Variants in HPS5 observed in about 807,000 individuals in gnomAD.
HPS5 encodes the protein BLOC-2 complex member HPS5.
HPS5 carries 83 observed loss-of-function variants against 128.0 expected under a neutral mutation model. That is an observed-to-expected ratio of 0.65 (90% CI 0.54 to 0.78). The LOEUF is 0.78. HPS5 is among the 30% of genes least tolerant of loss of function. The pLI is 0.00. For synonymous variants in HPS5, 475 were observed against 470.2 expected, an observed-to-expected ratio of 1.01 and a Z score of -0.13; for missense variants, 1,281 against 1,326.2, an observed-to-expected ratio of 0.97 and a Z score of 0.53.
At chr11:18,312,503 C>A (rs1863130118) in intron 2 of HPS5, among the ~76,000 whole-genome samples, 1 of 152,212 alleles carries the variant, frequency 6.6e-6, no homozygotes, top group African/African-American at 2.4e-5. Flanking sequence ...TCATGCCGTG[C>A]CCAATACCCC....
intron 22 of HPS5, among the ~76,000 whole-genome samples, chr11:18,281,181 G>A (rs750826875): frequency 4.0e-5 from 6 of 151,166 alleles, no homozygotes; most frequent in Admixed American, 6.6e-5. Context: ...GAGTTCAAGC[G>A]ATTCTCCTGC....
chr11:18,315,449 C>T (rs1054921217), intron 2 of HPS5, among the ~76,000 whole-genome samples: 6 of 151,998 alleles, frequency 3.9e-5, no homozygotes, highest in African/African-American at 1.2e-4. Context: ...TCTGTCTCTA[C>T]GAAAAACACA....
At chr11:18,312,338 A>C (rs1863112716) in intron 2 of HPS5, among the ~76,000 whole-genome samples, 1 of 152,222 alleles carries the variant, frequency 6.6e-6, no homozygotes, top group African/African-American at 2.4e-5. Context: ...GGTCATTCCA[A>C]TGCTGACTAC....
chr11:18,291,764 T>G lies in HPS5; in HGVS notation c.2118A>C (p.Ala706=). 1 of 1,614,206 alleles carries G rather than the reference T, an allele frequency of 6.2e-7. No individual in the cohort carries two copies. ...CCCTTGGACTCCTTACACATTCACA[T>G]GCTGTTTTATCAACAGATTCTTCAT... is the stretch of plus-strand genomic sequence containing the variant. ...LGNEESVDKT[A]CECVRSPRES... Residue 706 remains alanine, a synonymous_variant, in exon 16 of 23, where the codon GCA becomes GCC. Coordinates refer to ENST00000349215, the MANE Select transcript of HPS5 (RefSeq NM_181507.2).
intron 5 of HPS5, among the ~76,000 whole-genome samples, chr11:18,310,456 C>G (rs1862840507): frequency 6.6e-6 from 1 of 152,164 alleles, no homozygotes; most frequent in Non-Finnish European, 1.5e-5. Context: ...TAGCCTTATA[C>G]TAAAGAATGC....
chr11:18,283,865 C>G lies in HPS5; in HGVS notation c.2988G>C (p.Leu996=), dbSNP rs756023749. The stretch of plus-strand genomic sequence containing the variant: ...TGGTGAAGGCCTCTCTTCTTCTCTC[C>G]AGCTCCAAACAGAGAATTAGATATC... ...WPGYLILCLE[L]ERRREAFTNI... Residue 996 remains leucine, a synonymous_variant, in exon 21 of 23, where the codon CTG becomes CTC. Coordinates refer to ENST00000349215, the MANE Select transcript of HPS5 (RefSeq NM_181507.2). 1 of 1,613,304 alleles carries G rather than the reference C, an allele frequency of 6.2e-7. No individual in the cohort carries two copies. The highest frequency in any genetic ancestry group is 1.7e-5 in the Admixed American group (1 of 60,026).
intron 1 of HPS5, among the ~76,000 whole-genome samples, chr11:18,321,720 T>G (rs191585266): frequency 1.3e-5 from 2 of 152,322 alleles, no homozygotes; most frequent in Non-Finnish European, 2.9e-5. Flanking sequence ...AAGGGGAAGT[T>G]GCAGACTGCC....
chr11:18,321,653 G>A (rs781723407), intron 1 of HPS5, among the ~76,000 whole-genome samples: 8 of 152,288 alleles, frequency 5.3e-5, no homozygotes, highest in Non-Finnish European at 1.2e-4. Flanking sequence ...GCCCCAGTAG[G>A]TGCGTGGAGG....
chr11:18,301,551 G>A (rs1165589172), intron 8 of HPS5, among the ~76,000 whole-genome samples: 1 of 151,424 alleles, frequency 6.6e-6, no homozygotes, highest in African/African-American at 2.4e-5. Context: ...TAAAGCAGCT[G>A]AACTTTCCAT....
In HPS5 at chr11:18,311,466, A is replaced by G. The variant is rs771817878; in HGVS notation, c.220-15T>C. 3 of 1,522,848 alleles carry G rather than the reference A, an allele frequency of 2.0e-6. No homozygotes were observed. The highest frequency in any genetic ancestry group is 4.6e-5 in the East Asian group (2 of 43,092). The allele number at this position is 1,522,848 out of a possible 1,614,324, so 94.3% of individuals were successfully genotyped here. A position where few individuals can be genotyped will look rare whatever the true frequency, so the allele number is the denominator to read the frequency against. ...ATTGCACCTTCCTAGAGCACAAAAG[A>G]AAATACATTTTTTAAATCTCAAGTT... is the stretch of plus-strand genomic sequence containing the variant. On this transcript the variant is annotated splice_polypyrimidine_tract_variant and intron_variant, in intron 3 of 22. Transcript: ENST00000349215.
chr11:18,280,417 G>A (rs1248584237), intron 22 of HPS5: 14 of 571,544 alleles, frequency 2.4e-5, no homozygotes, highest in Non-Finnish European at 4.0e-5. Context: ...TGGAGAAATT[G>A]GAACTCTTGT....
Position 18,309,147 on chromosome 11 carries a change from TTAC to T in HPS5, c.478-71_478-69del. On this transcript the variant is annotated intron_variant, in intron 5 of 22. Transcript: ENST00000349215. ...ACATACACATGCAATCTCTTCCTCT[TTAC>T]CTTGTAAATGAAAATAACTTGAATA... is the stretch of plus-strand genomic sequence containing the variant. 3.5e-6 allele frequency: 5 copies of T among 1,446,494 alleles called. No homozygotes were observed. The East Asian group carries it at 1.2e-4, about 34-fold the overall frequency. The allele number at this position is 1,446,494 out of a possible 1,614,324, so 89.6% of individuals were successfully genotyped here.
intron 8 of HPS5, among the ~76,000 whole-genome samples, chr11:18,304,840 G>GT (rs1267843420): frequency 1.3e-5 from 2 of 152,230 alleles, no homozygotes; most frequent in African/African-American, 4.8e-5. Flanking sequence ...AGAACAAGGT[G>GT]TAAGAATTGG....
chr11:18,306,246 CAA>C lies in HPS5; in HGVS notation c.711_712del (p.Tyr237Ter). Reference sequence around the variant, plus strand: ...CCACATCCTAGAGCCTGGGCGAGCACAATATATCAGAGGTTGCTGGCCCCCAG... The same window carrying C: ...CCACATCCTAGAGCCTGGGCGAGCACTATATCAGAGGTTGCTGGCCCCCAG... On this transcript the variant is annotated stop_gained and frameshift_variant, in exon 7 of 23. Coordinates refer to ENST00000349215, the MANE Select transcript of HPS5 (RefSeq NM_181507.2). LOFTEE classifies it high-confidence loss of function. 1 of 1,613,824 alleles carries C rather than the reference CAA, an allele frequency of 6.2e-7. No individual in the cohort carries two copies. The highest frequency in any genetic ancestry group is 8.5e-7 in the Non-Finnish European group (1 of 1,179,768).
intron 14 of HPS5, among the ~76,000 whole-genome samples, chr11:18,294,694 G>C (rs1860838462): frequency 2.0e-5 from 3 of 152,140 alleles, no homozygotes; most frequent in South Asian, 2.1e-4. Context: ...AATGAATGCA[G>C]ACATACATGT....
At chr11:18,297,885 G>T (rs1462243961) in intron 10 of HPS5, among the ~76,000 whole-genome samples, 168 bp from the exon 11 acceptor site, 1 of 152,180 alleles carries the variant, frequency 6.6e-6, no homozygotes, top group African/African-American at 2.4e-5. Flanking sequence ...TTCAAGACAA[G>T]CCTGGCCAAC....
Position 18,285,424 on chromosome 11 carries a change from T to C in HPS5, c.2873A>G (p.Gln958Arg). ...HSHLLSWGYS[Q>R]LILHLIKLPA... ...AAGTTTAATTAGATGAAGGATCAGCTGACTGTAACCCCAGGAAAGCAAGTG... is the reference window on the plus strand; with the variant it reads ...AAGTTTAATTAGATGAAGGATCAGCCGACTGTAACCCCAGGAAAGCAAGTG... The change falls in exon 20 of 23, where the codon CAG (glutamine) becomes CGG (arginine). Residue 958 changes from glutamine (Q) to arginine (R), a missense_variant. Coordinates refer to ENST00000349215, the MANE Select transcript of HPS5 (RefSeq NM_181507.2). The C allele has an allele frequency of 6.2e-7, 1 of 1,613,386 alleles. No homozygotes were observed. Among genetic ancestry groups the C allele is most frequent in the Non-Finnish European group, 8.5e-7 (1 of 1,179,452 alleles).
At chr11:18,284,005 T>C (rs1859369592) in intron 20 of HPS5, 104 bp from the exon 21 acceptor site, 2 of 734,800 alleles carry the variant, frequency 2.7e-6, no homozygotes, top group Non-Finnish European at 4.7e-6. Flanking sequence ...TATTTCAATT[T>C]AAATTAATTA....
intron 22 of HPS5, 21 bp downstream of exon 22, chr11:18,281,929 G>A: frequency 6.2e-7 from 1 of 1,614,010 alleles, no homozygotes. Context: ...CTATGCAGAG[G>A]GTAGGACAAA....
Sources: allele counts gnomAD v4.1 joint callset (sites outside exome capture counted in the v4.1 genomes callset), GRCh38; gene constraint gnomAD v4.1.1; transcripts MANE v1.5; gene names NCBI Gene and HGNC (gene_info 2026-07-23, HGNC 2026-07-21).